The following THSD7B variants were observed in gnomAD, a reference collection of about 807,000 sequenced individuals.
THSD7B encodes the protein thrombospondin type 1 domain containing 7B, also known as thrombospondin type-1 domain-containing protein 7B.
THSD7B carries 138 observed loss-of-function variants against 213.6 expected under a neutral mutation model. The ratio of observed to expected loss-of-function variants is 0.65; its 90% CI spans 0.56 to 0.74. The LOEUF is 0.74. Ranked by LOEUF, THSD7B falls within the 30% of genes least tolerant of loss-of-function variation. The pLI is 0.00. For synonymous variants in THSD7B, 742 were observed against 687.0 expected (o/e 1.08, Z -1.25); for missense variants, 1,931 against 1,991.5 (o/e 0.97, Z 0.58).
At chr2:136,972,312 T>C (rs1402083478) in intron 2 of THSD7B, among the ~76,000 whole-genome samples, 1 of 152,160 alleles carries the variant, frequency 6.6e-6, no homozygotes, top group Admixed American at 6.5e-5. Flanking sequence ...AATATAATTA[T>C]ATTATTTAGA....
At chr2:137,611,186 C>T (rs1682283446) in intron 17 of THSD7B, among the ~76,000 whole-genome samples, 1 of 151,446 alleles carries the variant, frequency 6.6e-6, no homozygotes, top group Admixed American at 6.6e-5. Context: ...TCATTTTTGA[C>T]CATGGTCTAC....
At chr2:137,245,608 C>G (rs1382576693) in intron 10 of THSD7B, among the ~76,000 whole-genome samples, 1 of 152,152 alleles carries the variant, frequency 6.6e-6, no homozygotes, top group Non-Finnish European at 1.5e-5. Flanking sequence ...ATTATCTTTT[C>G]TTGTTAGACT....
intron 12 of THSD7B, among the ~76,000 whole-genome samples, chr2:137,375,924 A>G (rs1685643778): frequency 6.6e-6 from 1 of 152,218 alleles, no homozygotes; most frequent in Non-Finnish European, 1.5e-5. Context: ...ATGACTACTC[A>G]TACTGATCTA....
intron 12 of THSD7B, among the ~76,000 whole-genome samples, chr2:137,308,740 T>TA (rs1683817478): frequency 1.3e-5 from 2 of 152,152 alleles, no homozygotes; most frequent in African/African-American, 4.8e-5. Flanking sequence ...CTCACCAACC[T>TA]AAAGAAACCA....
At chr2:137,126,665 C>G (rs964569763) in intron 5 of THSD7B, among the ~76,000 whole-genome samples, 38 of 152,124 alleles carry the variant, frequency 2.5e-4, no homozygotes, top group African/African-American at 8.9e-4. Context: ...TTTAATTTCC[C>G]TCAAAAACTT....
At chr2:136,876,357 T>C (rs1683526124) in intron 1 of THSD7B, among the ~76,000 whole-genome samples, 1 of 152,196 alleles carries the variant, frequency 6.6e-6, no homozygotes, top group Non-Finnish European at 1.5e-5. Flanking sequence ...AGGGCAATAT[T>C]TAGGTTTATT....
intron 2 of THSD7B, among the ~76,000 whole-genome samples, chr2:137,043,518 G>A (rs369681000): frequency 1.3e-5 from 2 of 152,124 alleles, no homozygotes; most frequent in African/African-American, 2.4e-5. Flanking sequence ...ATTGAATTTC[G>A]ATTCTTATCA....
intron 12 of THSD7B, among the ~76,000 whole-genome samples, chr2:137,399,067 C>T: frequency 6.6e-6 from 1 of 152,014 alleles, no homozygotes; most frequent in African/African-American, 2.4e-5. Flanking sequence ...CACTGTCTGG[C>T]ACTCCCTAGT....
chr2:136,935,657 C>G, intron 2 of THSD7B, among the ~76,000 whole-genome samples: 1 of 151,942 alleles, frequency 6.6e-6, no homozygotes, highest in East Asian at 1.9e-4. Flanking sequence ...TGTCATTTCT[C>G]CAGTATGAAG....
intron 14 of THSD7B, among the ~76,000 whole-genome samples, chr2:137,425,847 G>T (rs1378007103): frequency 6.6e-6 from 1 of 152,106 alleles, no homozygotes; most frequent in Non-Finnish European, 1.5e-5. Context: ...GAGCAATGAT[G>T]CAAGCAAATA....
intron 12 of THSD7B, among the ~76,000 whole-genome samples, chr2:137,306,125 CTT>C (rs1683735080): frequency 6.6e-6 from 1 of 151,904 alleles, no homozygotes; most frequent in Admixed American, 6.6e-5. Flanking sequence ...TTACTAGACA[CTT>C]TTATATGACT....
chr2:137,374,052 A>G (rs917398860), intron 12 of THSD7B, among the ~76,000 whole-genome samples: 5 of 151,392 alleles, frequency 3.3e-5, no homozygotes, highest in South Asian at 2.1e-4. Context: ...TGTTCCATTG[A>G]TCTATATCTC....
At position 137,556,285 on chromosome 2, in the gene THSD7B, A is replaced by C. The variant is rs375808941; in HGVS notation, c.3139-6936A>C. ...ATGAAGCAAAAAATGTTAAGGGCAG[A>C]CAGAGAGAAAGGTCGGGTTACCCAC... is the stretch of plus-strand genomic sequence containing the variant. On this transcript the variant is annotated intron_variant, in intron 15 of 27. Coordinates refer to ENST00000409968, the MANE Select transcript of THSD7B (RefSeq NM_001316349.2). 6.3e-4 allele frequency among the ~76,000 whole-genome samples: 96 copies of C among 152,308 alleles called. 1 individual carries two copies. The East Asian group carries it at 0.013, about 20-fold the overall frequency.
intron 4 of THSD7B, among the ~76,000 whole-genome samples, chr2:137,111,334 A>G (rs570021433): frequency 6.6e-5 from 10 of 152,326 alleles, no homozygotes; most frequent in African/African-American, 2.4e-4. Context: ...CCCATTGTCT[A>G]CTGAAGTTGC....
At chr2:137,198,981 AG>A (rs1680822507) in intron 7 of THSD7B, among the ~76,000 whole-genome samples, 1 of 152,200 alleles carries the variant, frequency 6.6e-6, no homozygotes, top group Admixed American at 6.5e-5. Flanking sequence ...ACTGTTTATA[AG>A]AAATTAACAA....
intron 17 of THSD7B, among the ~76,000 whole-genome samples, chr2:137,601,515 G>A (rs1489159509): frequency 6.6e-6 from 1 of 152,068 alleles, no homozygotes; most frequent in Non-Finnish European, 1.5e-5. Context: ...ATATAGCCTA[G>A]GTGTGTACCA....
chr2:137,239,712 G>A (rs1265206730), intron 9 of THSD7B, among the ~76,000 whole-genome samples: 2 of 152,058 alleles, frequency 1.3e-5, no homozygotes, highest in Non-Finnish European at 2.9e-5. Flanking sequence ...CATTCTCTTG[G>A]TTGGTTACAG....
intron 20 of THSD7B, 85 bp downstream of exon 20, chr2:137,620,811 G>A: frequency 1.7e-6 from 2 of 1,172,374 alleles, no homozygotes; most frequent in Non-Finnish European, 2.5e-6. Context: ...ATGGCATAAG[G>A]TATGGGACCC....
chr2:136,776,301 A>G (rs1421268229), intron 1 of THSD7B, among the ~76,000 whole-genome samples: 1 of 152,132 alleles, frequency 6.6e-6, no homozygotes, highest in Non-Finnish European at 1.5e-5. Context: ...ATTTTCTTTA[A>G]TCTTTAATAA....
Sources: allele counts gnomAD v4.1 joint callset (sites outside exome capture counted in the v4.1 genomes callset), GRCh38; gene constraint gnomAD v4.1.1; transcripts MANE v1.5; gene names NCBI Gene and HGNC (gene_info 2026-07-23, HGNC 2026-07-21).